Variants in SPMIP4 observed in about 807,000 individuals in gnomAD.
The protein encoded by SPMIP4 is sperm-associated microtubule inner protein 4.
At chr7:25,149,941 C>G in the SPMIP4 span, among the ~76,000 whole-genome samples, 2 of 152,164 alleles carry the variant, frequency 1.3e-5, no homozygotes, top group Non-Finnish European at 2.9e-5. Flanking sequence ...ACACAGGCCT[C>G]CTGACCTGGT....
At chr7:25,156,402 C>T in the SPMIP4 span, among the ~76,000 whole-genome samples, 1 of 152,106 alleles carries the variant, frequency 6.6e-6, no homozygotes, top group Non-Finnish European at 1.5e-5. Context: ...ACAAAAAGGA[C>T]TTTACTTTTC....
the SPMIP4 span, among the ~76,000 whole-genome samples, chr7:25,166,676 C>T: frequency 6.6e-6 from 1 of 151,622 alleles, no homozygotes; most frequent in Admixed American, 6.6e-5. Flanking sequence ...CACCTGAGGT[C>T]GGGAGTTCGA....
the SPMIP4 span, among the ~76,000 whole-genome samples, chr7:25,176,666 A>G: frequency 6.6e-6 from 1 of 152,236 alleles, no homozygotes; most frequent in South Asian, 2.1e-4. This position sits in a 1 kb window ranked among gnomAD's most constrained non-coding sequence, Gnocchi z 4.4. Flanking sequence ...CACAGTGGTT[A>G]TTATCTCTGG....
the SPMIP4 span, among the ~76,000 whole-genome samples, chr7:25,126,428 C>T: frequency 6.6e-6 from 1 of 152,120 alleles, no homozygotes; most frequent in African/African-American, 2.4e-5. Flanking sequence ...TCACCCGCAT[C>T]GGCCTCCCAA....
chr7:25,173,267 G>A, the SPMIP4 span, among the ~76,000 whole-genome samples: 1 of 152,170 alleles, frequency 6.6e-6, no homozygotes, highest in African/African-American at 2.4e-5. This position sits in a 1 kb window ranked among gnomAD's most constrained non-coding sequence, Gnocchi z 4.4. Flanking sequence ...CAACACTCAG[G>A]ACTATAAGTG....
the SPMIP4 span, among the ~76,000 whole-genome samples, chr7:25,140,806 C>T: frequency 6.6e-5 from 10 of 151,910 alleles, no homozygotes; most frequent in African/African-American, 2.2e-4. Flanking sequence ...AGGCTGGTCT[C>T]GAACTCCTGA....
the SPMIP4 span, among the ~76,000 whole-genome samples, chr7:25,140,787 A>G: frequency 2.0e-5 from 3 of 150,960 alleles, no homozygotes; most frequent in Non-Finnish European, 4.4e-5. Context: ...GGGTCTCACC[A>G]TGTTGGCCAG....
the SPMIP4 span, chr7:25,135,901 T>C: frequency 6.6e-7 from 1 of 1,505,676 alleles, no homozygotes; most frequent in Admixed American, 2.4e-5. Flanking sequence ...AATCCAGCAA[T>C]ACGAAGGAAA....
chr7:25,129,140 C>A, the SPMIP4 span, among the ~76,000 whole-genome samples: 6 of 152,378 alleles, frequency 3.9e-5, no homozygotes, highest in East Asian at 1.2e-3. Context: ...GCCTCCCTGG[C>A]TAGCATCTCA....
At chr7:25,169,777 T>C in the SPMIP4 span, among the ~76,000 whole-genome samples, 1 of 152,168 alleles carries the variant, frequency 6.6e-6, no homozygotes, top group Non-Finnish European at 1.5e-5. Flanking sequence ...GGTTTCGCCA[T>C]GTTGGCCAGG....
At chr7:25,164,061 T>A in the SPMIP4 span, among the ~76,000 whole-genome samples, 1 of 152,214 alleles carries the variant, frequency 6.6e-6, no homozygotes, top group African/African-American at 2.4e-5. Flanking sequence ...TGGCTAAGTG[T>A]TGTCCTAAAG....
chr7:25,125,929 C>T, the SPMIP4 span: 15 of 985,424 alleles, frequency 1.5e-5, no homozygotes, highest in Non-Finnish European at 1.8e-5. Context: ...CGCCCCAAGA[C>T]TGAGGAAGGT....
At chr7:25,164,694 C>T in the SPMIP4 span, among the ~76,000 whole-genome samples, 3 of 150,762 alleles carry the variant, frequency 2.0e-5, no homozygotes, top group African/African-American at 4.9e-5. Flanking sequence ...AAATTCTTTA[C>T]TGGTGATTTC....
the SPMIP4 span, among the ~76,000 whole-genome samples, chr7:25,159,280 T>C: frequency 1.3e-5 from 2 of 152,212 alleles, no homozygotes; most frequent in African/African-American, 4.8e-5. Context: ...TCTCTCATGA[T>C]AGTAAATGTT....
the SPMIP4 span, among the ~76,000 whole-genome samples, chr7:25,133,716 A>T: frequency 1.1e-4 from 16 of 152,294 alleles, no homozygotes; most frequent in African/African-American, 3.8e-4. Context: ...AGTATAATAG[A>T]ATGTTAAACC....
the SPMIP4 span, among the ~76,000 whole-genome samples, chr7:25,170,649 A>G: frequency 6.6e-6 from 1 of 152,226 alleles, no homozygotes; most frequent in Non-Finnish European, 1.5e-5. Flanking sequence ...TCTTCTAAGT[A>G]TCTTACAGTT....
the SPMIP4 span, among the ~76,000 whole-genome samples, chr7:25,132,054 T>C: frequency 1.3e-5 from 2 of 152,016 alleles, no homozygotes; most frequent in Non-Finnish European, 2.9e-5. The surrounding 1 kb of genome is among the most constrained non-coding windows in gnomAD (Gnocchi z 5.0). Flanking sequence ...TAGAGTGAAA[T>C]AGAGTGAAAA....
the SPMIP4 span, among the ~76,000 whole-genome samples, chr7:25,134,000 G>A: frequency 1.3e-5 from 2 of 152,108 alleles, no homozygotes; most frequent in East Asian, 1.9e-4. Context: ...GGTGGCTCAC[G>A]CTTGTAATCC....
At chr7:25,161,074 G>T in the SPMIP4 span, 1 of 588,434 alleles carries the variant, frequency 1.7e-6, no homozygotes, top group African/African-American at 1.9e-5. Context: ...TTTTAAAAAA[G>T]AAATAATTTG....
Sources: gnomAD v4.1 joint callset for allele counts (sites outside exome capture counted in the v4.1 genomes callset) on GRCh38, gnomAD v4.1.1 for gene constraint, Gnocchi (gnomAD v3.1) non-coding constraint, MANE v1.5 for transcripts, NCBI Gene and HGNC (gene_info 2026-07-23, HGNC 2026-07-21) for gene names.